The following AGBL4 variants were observed in gnomAD, a reference collection of about 807,000 sequenced individuals.
The protein encoded by AGBL4 is cytosolic carboxypeptidase 6.
In AGBL4, 58 loss-of-function variants were observed where a neutral mutation model predicts 66.4. The ratio of observed to expected loss-of-function variants is 0.87; its 90% CI spans 0.71 to 1.09. The LOEUF (loss-of-function observed/expected upper bound fraction) is 1.09. AGBL4 is among the 50% of genes least tolerant of loss of function. The pLI is 0.00. For missense variants in AGBL4, 579 were observed against 631.0 expected, an observed-to-expected ratio of 0.92 and a Z score of 0.88; for synonymous variants, 234 against 222.9, an observed-to-expected ratio of 1.05 and a Z score of -0.44.
intron 6 of AGBL4, among the ~76,000 whole-genome samples, chr1:48,814,275 T>C (rs1646123882): frequency 6.6e-6 from 1 of 152,198 alleles, no homozygotes; most frequent in Non-Finnish European, 1.5e-5. Context: ...AAGGACTTCC[T>C]GCTTATTTTC....
chr1:48,733,266 C>T (rs1440605533), intron 6 of AGBL4, among the ~76,000 whole-genome samples: 2 of 152,106 alleles, frequency 1.3e-5, no homozygotes, highest in African/African-American at 4.8e-5. Flanking sequence ...AGGAGCATAA[C>T]TGAAGGAACA....
intron 1 of AGBL4, among the ~76,000 whole-genome samples, chr1:49,937,664 C>G (rs902305547): frequency 6.6e-6 from 1 of 152,182 alleles, no homozygotes; most frequent in Non-Finnish European, 1.5e-5. Flanking sequence ...TGCGATCAAA[C>G]TAGAACGCAG....
chr1:48,604,362 G>A (rs1245633485), intron 9 of AGBL4, among the ~76,000 whole-genome samples: 1 of 152,054 alleles, frequency 6.6e-6, no homozygotes, highest in East Asian at 1.9e-4. Context: ...CTTGGTACGT[G>A]TTCCCAGTTA....
At chr1:49,098,999 G>A (rs1208955880) in intron 4 of AGBL4, among the ~76,000 whole-genome samples, 1 of 152,084 alleles carries the variant, frequency 6.6e-6, no homozygotes, top group Non-Finnish European at 1.5e-5. Flanking sequence ...TCCCTCCCAC[G>A]GGCCAAGCTC....
intron 1 of AGBL4, among the ~76,000 whole-genome samples, chr1:49,855,944 A>G (rs1392901599): frequency 6.6e-6 from 1 of 152,094 alleles, no homozygotes; most frequent in East Asian, 1.9e-4. Context: ...TACAAAGGAT[A>G]AGCAGAATTA....
chr1:50,005,294 G>C (rs1056346768), intron 1 of AGBL4, among the ~76,000 whole-genome samples: 6 of 152,166 alleles, frequency 3.9e-5, no homozygotes, highest in African/African-American at 1.4e-4. Context: ...CCAATACAGA[G>C]AGAGAAACTC....
chr1:49,105,754 C>T (rs149846092), intron 4 of AGBL4, among the ~76,000 whole-genome samples: 6 of 152,190 alleles, frequency 3.9e-5, no homozygotes, highest in African/African-American at 7.2e-5. Context: ...CATAAGAGTA[C>T]CTAATTCATA....
chr1:49,866,812 C>A (rs2148101145), intron 1 of AGBL4, among the ~76,000 whole-genome samples: 1 of 149,350 alleles, frequency 6.7e-6, no homozygotes, highest in African/African-American at 2.5e-5. Flanking sequence ...TTTTTTTTTC[C>A]TTGTATTTGG....
At chr1:49,750,530 C>T (rs1651371863) in intron 2 of AGBL4, among the ~76,000 whole-genome samples, 1 of 152,218 alleles carries the variant, frequency 6.6e-6, no homozygotes, top group Non-Finnish European at 1.5e-5. Flanking sequence ...TAGTGTGATG[C>T]CTCCAGCATT....
At chr1:49,006,537 G>A (rs1004287402) in intron 5 of AGBL4, among the ~76,000 whole-genome samples, 7 of 152,216 alleles carry the variant, frequency 4.6e-5, no homozygotes, top group Non-Finnish European at 1.0e-4. Flanking sequence ...AGCTCAAGGA[G>A]GCTTGCCTGC....
chr1:49,035,444 A>G (rs1396710009), intron 5 of AGBL4, among the ~76,000 whole-genome samples: 1 of 152,136 alleles, frequency 6.6e-6, no homozygotes, highest in East Asian at 1.9e-4. Context: ...CTTGAAAGAC[A>G]AGTGCATGAT....
intron 1 of AGBL4, among the ~76,000 whole-genome samples, chr1:49,939,651 T>A (rs1241039733): frequency 6.6e-6 from 1 of 152,204 alleles, no homozygotes; most frequent in African/African-American, 2.4e-5. Context: ...GCTAGCCATA[T>A]GTAGAAAGCT....
At chr1:48,637,337 C>T (rs1435812962) in intron 8 of AGBL4, among the ~76,000 whole-genome samples, 1 of 152,184 alleles carries the variant, frequency 6.6e-6, no homozygotes, top group Non-Finnish European at 1.5e-5. Context: ...CAAATCCATG[C>T]TCTGTTCCCT....
chr1:49,096,409 A>G (rs959873804), intron 4 of AGBL4, among the ~76,000 whole-genome samples: 7 of 151,980 alleles, frequency 4.6e-5, no homozygotes, highest in Middle Eastern at 6.3e-3. Flanking sequence ...TTGCGGCACT[A>G]TTCACAACAG....
intron 2 of AGBL4, among the ~76,000 whole-genome samples, chr1:49,848,406 T>C (rs1002093134): frequency 5.3e-5 from 8 of 152,284 alleles, no homozygotes; most frequent in African/African-American, 1.9e-4. Context: ...ATAGCAAAGA[T>C]GTGGAATCAG....
chr1:49,682,365 C>T (rs554595278), intron 3 of AGBL4, among the ~76,000 whole-genome samples: 131 of 152,256 alleles, frequency 8.6e-4, no homozygotes, highest in Middle Eastern at 6.8e-3. Context: ...GATCACGCCA[C>T]TGCACTCCAG....
Position 48,666,152 on chromosome 1 carries a change from G to A in AGBL4, c.635-2911C>T, listed in dbSNP as rs1454836247. ...CATCTTTAGGCAAAATGGATGGGTC[G>A]CCTTTGCTTAGCTTTTAGCTTTCAT... On this transcript the variant is annotated intron_variant, in intron 6 of 13. Transcript: ENST00000371839. Among the ~76,000 whole-genome samples, 4 of 152,148 alleles carry A rather than the reference G, an allele frequency of 2.6e-5. No individual in the cohort carries two copies. In the East Asian group the frequency reaches 5.8e-4, roughly 22 times the overall value.
At chr1:48,614,285 C>T (rs1438244571) in intron 9 of AGBL4, among the ~76,000 whole-genome samples, 1 of 152,210 alleles carries the variant, frequency 6.6e-6, no homozygotes. Context: ...TGAATCTCTG[C>T]CACCAAATCA....
intron 5 of AGBL4, among the ~76,000 whole-genome samples, chr1:49,016,461 T>C (rs910087024): frequency 6.6e-6 from 1 of 152,200 alleles, no homozygotes; most frequent in African/African-American, 2.4e-5. Context: ...GCAGACTTCA[T>C]GCATTAAATA....
Sources: gnomAD v4.1 joint callset for allele counts (sites outside exome capture counted in the v4.1 genomes callset) on GRCh38, gnomAD v4.1.1 for gene constraint, MANE v1.5 for transcripts, NCBI Gene and HGNC (gene_info 2026-07-23, HGNC 2026-07-21) for gene names.